Variants in PTPRN2 observed in about 807,000 individuals in gnomAD.
The protein encoded by PTPRN2 is receptor-type tyrosine-protein phosphatase N2.
A neutral mutation model predicts 118.8 loss-of-function variants in PTPRN2; 74 were observed. The observed-to-expected ratio is 0.62, with a 90% CI of 0.52 to 0.76. The LOEUF is 0.76. Among genes scored for constraint, PTPRN2 ranks in the 30% least tolerant of loss-of-function variants. PTPRN2 has a pLI of 0.00. For synonymous variants in PTPRN2, 641 were observed against 608.0 expected (o/e 1.05, Z -0.80); for missense variants, 1,481 against 1,394.4 (o/e 1.06, Z -0.99).
chr7:157,551,774 C>T (rs1798633962), intron 21 of PTPRN2, among the ~76,000 whole-genome samples: 2 of 147,898 alleles, frequency 1.4e-5, no homozygotes, highest in South Asian at 4.4e-4. Flanking sequence ...ACCATGCACC[C>T]CACAGCCAGC....
At chr7:157,625,337 T>G (rs545020174) in intron 14 of PTPRN2, among the ~76,000 whole-genome samples, 1 of 152,334 alleles carries the variant, frequency 6.6e-6, no homozygotes, top group African/African-American at 2.4e-5. Flanking sequence ...ACCCAAATGC[T>G]TATCAATCAA....
At chr7:158,067,133 C>T (rs73748017) in intron 11 of PTPRN2, among the ~76,000 whole-genome samples, 13,714 of 152,234 alleles carry the variant, frequency 0.09, 1,625 homozygotes, top group African/African-American at 0.27. Context: ...AGGGCTGAGG[C>T]ATGTTAGATG....
intron 11 of PTPRN2, among the ~76,000 whole-genome samples, chr7:157,981,687 C>G (rs76406978): frequency 0.026 from 4,002 of 152,290 alleles, 160 homozygotes; most frequent in African/African-American, 0.087. Flanking sequence ...TCATAACCTA[C>G]ATCTATTTCA....
At chr7:158,395,300 A>C (rs186028352) in intron 2 of PTPRN2, among the ~76,000 whole-genome samples, 75 of 50,642 alleles carry the variant, frequency 1.5e-3, no homozygotes, top group Middle Eastern at 8.6e-3. Flanking sequence ...GTGAGGGGTG[A>C]GGGGCGAGGG....
chr7:157,593,267 C>T (rs1005897422), intron 17 of PTPRN2, among the ~76,000 whole-genome samples: 16 of 150,294 alleles, frequency 1.1e-4, no homozygotes, highest in Admixed American at 2.6e-4. Context: ...GCGTGGACAC[C>T]GAGAGCCTTC....
At chr7:157,593,860 C>A (rs893291680) in intron 17 of PTPRN2, among the ~76,000 whole-genome samples, 1 of 152,230 alleles carries the variant, frequency 6.6e-6, no homozygotes, top group Non-Finnish European at 1.5e-5. Context: ...CAAAACCATC[C>A]AAGTGCCACA....
rs1354918789 is a variant in PTPRN2 at position 157,568,962 on chromosome 7, C to T, written c.2842G>A (p.Gly948Ser). ...ACGTAGGTGCCGCTCCGGCCTGCAC[C>T]GTCACTGCCAACAGAAGGAGAGAAA... ...SCPIIVHCSDGAGRSGTYVLI... is the reference protein window; with the variant it reads ...SCPIIVHCSDSAGRSGTYVLI... Residue 948 changes from glycine to serine, a missense_variant, in exon 21 of 23, where the codon GGT becomes AGT. By Grantham distance (56) the Gly-to-Ser change is moderately conservative. Around this residue, in one of 3 missense-constraint regions of PTPRN2, gnomAD observed 362 missense variants for 384.1 expected, o/e 0.94. Coordinates refer to ENST00000389418, the MANE Select transcript of PTPRN2 (RefSeq NM_002847.5). The T allele has an allele frequency of 1.9e-6, 3 of 1,567,888 alleles. No homozygotes were observed. The highest frequency in any genetic ancestry group is 3.3e-5 in the Admixed American group (2 of 59,962).
rs1238327486 is a variant in PTPRN2 at position 158,587,430 on chromosome 7, AGGCGCCTCTCCCCCCGACCCCTCAGGGT to A, written c.112+100_112+127del. 5.9e-3 allele frequency: 395 copies of A among 66,854 alleles called. 1 individual carries two copies. The highest frequency in any genetic ancestry group is 7.6e-3 in the Non-Finnish European group (367 of 48,048). The allele number at this position is 66,854 out of a possible 1,614,324, so 4.1% of individuals were successfully genotyped here. A position where few individuals can be genotyped will look rare whatever the true frequency, so the allele number is the denominator to read the frequency against. ...CCCCTCCCCCCCGAACCCCTCACAG[AGGCGCCTCTCCCCCCGACCCCTCAGGGT>A]GGCGCCTCTCCCCACCCAGACCCCC... On this transcript the variant is annotated intron_variant, in intron 1 of 22. Coordinates refer to ENST00000389418, the MANE Select transcript of PTPRN2 (RefSeq NM_002847.5).
intron 2 of PTPRN2, among the ~76,000 whole-genome samples, chr7:158,342,622 A>G (rs1807120182): frequency 6.6e-6 from 1 of 152,226 alleles, no homozygotes; most frequent in Non-Finnish European, 1.5e-5. Context: ...TGACATCTAC[A>G]GACATCACTC....
intron 11 of PTPRN2, among the ~76,000 whole-genome samples, chr7:158,071,382 CTCGTGGTGG>C (rs1811547088): frequency 1.7e-5 from 1 of 58,796 alleles, no homozygotes; most frequent in Non-Finnish European, 3.3e-5. Context: ...GGTGGAGGTG[CTCGTGGTGG>C]AGGTGCTCGT....
chr7:158,445,805 TCC>T (rs962710166), intron 2 of PTPRN2, among the ~76,000 whole-genome samples: 3 of 152,150 alleles, frequency 2.0e-5, no homozygotes, highest in Non-Finnish European at 2.9e-5. Flanking sequence ...CCTCCTCCTG[TCC>T]CCGTGAGCCA....
rs1477221033 is a variant in PTPRN2, at chr7:158,332,014, C to A, written c.164-15082G>T. Among the ~76,000 whole-genome samples the A allele has an allele frequency of 2.0e-5, 3 of 151,176 alleles. 1 individual carries two copies. The highest frequency in any genetic ancestry group is 7.4e-5 in the African/African-American group (3 of 40,528). The stretch of plus-strand genomic sequence containing the variant: ...ACACTCTCTCCATAAGAGCTGACAA[C>A]CGCAAACGTCACTGACACCCACACT... On this transcript the variant is annotated intron_variant, in intron 2 of 22. Transcript: ENST00000389418.
chr7:158,136,635 C>T lies in PTPRN2; in HGVS notation c.1173+20G>A. 6.2e-7 allele frequency: 1 copy of T among 1,609,076 alleles called. No individual in the cohort carries two copies. The highest frequency in any genetic ancestry group is 8.5e-7 in the Non-Finnish European group (1 of 1,175,816). On this transcript the variant is annotated intron_variant, in intron 8 of 22. Coordinates refer to ENST00000389418, the MANE Select transcript of PTPRN2 (RefSeq NM_002847.5). ...ACTTCCACATTTAACATGAAACAAA[C>T]ACCAGAGACGTCATCTTACCTCTTG...
chr7:157,986,698 T>C lies in PTPRN2; in HGVS notation c.1724-87961A>G, dbSNP rs913028299. Among the ~76,000 whole-genome samples the C allele has an allele frequency of 6.6e-6, 1 of 152,170 alleles. No homozygotes were observed. On this transcript the variant is annotated intron_variant, in intron 11 of 22. Coordinates refer to ENST00000389418, the MANE Select transcript of PTPRN2 (RefSeq NM_002847.5). The surrounding 1 kb of genome is among the most constrained non-coding windows in gnomAD (Gnocchi z 4.5). ...GCCAATAGTGCTAAATTAGAAATAA[T>C]GAAGGCTTCACTCTTCCACGGGGTT...
chr7:158,502,668 C>T (rs1005189802), intron 1 of PTPRN2, among the ~76,000 whole-genome samples: 9 of 152,276 alleles, frequency 5.9e-5, no homozygotes, highest in Non-Finnish European at 1.5e-5. Context: ...GACGTCACCA[C>T]ACACCACGCT....
At chr7:158,246,578 G>A (rs1796264367) in intron 3 of PTPRN2, among the ~76,000 whole-genome samples, 1 of 151,348 alleles carries the variant, frequency 6.6e-6, no homozygotes. Flanking sequence ...TTTCAAAGTA[G>A]GACAATCTGT....
At chr7:158,244,790 TGA>T (rs1239087408) in intron 3 of PTPRN2, among the ~76,000 whole-genome samples, 2 of 151,378 alleles carry the variant, frequency 1.3e-5, no homozygotes, top group African/African-American at 4.9e-5. Context: ...GTGAGTTGTG[TGA>T]GTGTGAGTTG....
chr7:157,582,485 G>A (rs569356068), intron 17 of PTPRN2, among the ~76,000 whole-genome samples: 4 of 152,044 alleles, frequency 2.6e-5, no homozygotes, highest in South Asian at 4.2e-4. Context: ...GGCTGCCACC[G>A]AAAAGAGGGG....
At chr7:157,817,119 G>A (rs769725972) in intron 12 of PTPRN2, among the ~76,000 whole-genome samples, 1 of 152,152 alleles carries the variant, frequency 6.6e-6, no homozygotes, top group Non-Finnish European at 1.5e-5. Flanking sequence ...CGGGGGCGCC[G>A]CGGGTCCCTC....
Sources: gnomAD v4.1 joint callset for allele counts (sites outside exome capture counted in the v4.1 genomes callset) on GRCh38, gnomAD v4.1.1 for gene constraint, gnomAD v4.1.1 regional missense constraint, Gnocchi (gnomAD v3.1) non-coding constraint, MANE v1.5 for transcripts, NCBI Gene and HGNC (gene_info 2026-07-23, HGNC 2026-07-21) for gene names.